RHBDD1: variants seen among roughly 807,000 people sequenced by gnomAD.
RHBDD1 encodes rhomboid domain containing 1, also known as rhomboid-related protein 4.
In RHBDD1, 38 loss-of-function variants were observed where a neutral mutation model predicts 36.3. The ratio of observed to expected loss-of-function variants is 1.05; its 90% CI spans 0.81 to 1.37. The LOEUF (loss-of-function observed/expected upper bound fraction) is 1.37, where lower values mean the gene tolerates loss of function less well. Ranked by LOEUF, RHBDD1 falls within the 40% of genes most tolerant of loss-of-function variation. RHBDD1 has a pLI of 0.00. For missense variants in RHBDD1, 393 were observed against 377.6 expected, an observed-to-expected ratio of 1.04 and a Z score of -0.34; for synonymous variants, 151 against 136.5, an observed-to-expected ratio of 1.11 and a Z score of -0.74.
At chr2:226,922,397 CG>C (rs1949388556) in intron 8 of RHBDD1, among the ~76,000 whole-genome samples, 1 of 151,422 alleles carries the variant, frequency 6.6e-6, no homozygotes, top group Admixed American at 6.6e-5. Flanking sequence ...TTAGTAGAGA[CG>C]GGGTTTCACT....
At chr2:226,806,144 G>GAA in the RHBDD1 span, among the ~76,000 whole-genome samples, 84 of 148,082 alleles carry the variant, frequency 5.7e-4, no homozygotes, top group South Asian at 3.6e-3. Context: ...TTTTAAGAAA[G>GAA]AAAAAAAAAA....
At chr2:226,887,868 T>C (rs1946366603) in intron 5 of RHBDD1, among the ~76,000 whole-genome samples, 1 of 152,232 alleles carries the variant, frequency 6.6e-6, no homozygotes, top group Admixed American at 6.5e-5. Flanking sequence ...TAATAACCAA[T>C]GTAGTGTTGA....
chr2:226,927,586 C>G (rs980522763), intron 8 of RHBDD1, among the ~76,000 whole-genome samples: 1 of 151,962 alleles, frequency 6.6e-6, no homozygotes, highest in African/African-American at 2.4e-5. Flanking sequence ...AGTTTTCGTT[C>G]CTGCCGGCAG....
chr2:226,991,004 G>T (rs559874819), intron 8 of RHBDD1, among the ~76,000 whole-genome samples: 115 of 152,256 alleles, frequency 7.6e-4, no homozygotes, highest in African/African-American at 2.6e-3. Context: ...TCACCCAGAG[G>T]CTCCTTCATG....
chr2:226,807,044 T>G, the RHBDD1 span, among the ~76,000 whole-genome samples: 1 of 152,228 alleles, frequency 6.6e-6, no homozygotes, highest in Non-Finnish European at 1.5e-5. Context: ...CTGTCCCTAC[T>G]AAGCAATGAA....
At chr2:226,921,064 G>C (rs1217493061) in intron 8 of RHBDD1, among the ~76,000 whole-genome samples, 3 of 151,928 alleles carry the variant, frequency 2.0e-5, no homozygotes, top group East Asian at 1.9e-4. Flanking sequence ...TAGGTTTTGG[G>C]TTTCTTCATG....
rs11320469 is a variant in RHBDD1, at chr2:226,972,929, C to CAA, written c.857-22487_857-22486dup. ...TTAAAGAAAGGAAGGAAGCCTGTAG[C>CAA]AAAAAAAAAAAAAAAACAAAAAACC... On this transcript the variant is annotated intron_variant, in intron 8 of 8. Transcript: ENST00000392062. 1.0e-2 allele frequency among the ~76,000 whole-genome samples: 1,265 copies of CAA among 126,896 alleles called. 9 individuals carry two copies. Among genetic ancestry groups the CAA allele is most frequent in the African/African-American group, 0.025 (888 of 35,326 alleles). 83.2% of individuals were successfully genotyped at this position (126,896 alleles called of 152,430 possible). A position where few individuals can be genotyped will look rare whatever the true frequency, so the allele number is the denominator to read the frequency against.
intron 5 of RHBDD1, among the ~76,000 whole-genome samples, chr2:226,873,852 G>A (rs964507735): frequency 6.6e-6 from 1 of 152,158 alleles, no homozygotes; most frequent in Non-Finnish European, 1.5e-5. Context: ...AGTTTAAGGT[G>A]TGGGTGGGTC....
chr2:226,911,398 G>C (rs1948505558), intron 7 of RHBDD1, among the ~76,000 whole-genome samples: 1 of 152,112 alleles, frequency 6.6e-6, no homozygotes, highest in South Asian at 2.1e-4. Flanking sequence ...TCTCTAAGCA[G>C]GGATTGCTGA....
chr2:226,977,385 T>G lies in RHBDD1; in HGVS notation c.857-18046T>G, dbSNP rs140232173. Among the ~76,000 whole-genome samples the G allele has an allele frequency of 2.2e-3, 330 of 152,310 alleles. 3 individuals are homozygous for G. Among genetic ancestry groups the G allele is most frequent in the African/African-American group, 7.0e-3 (292 of 41,566 alleles). ...AGTGTCCGAAATAGCCGGCTGGAAT[T>G]CATGAGAATGTTACGTCTTCAGATG... On this transcript the variant is annotated intron_variant, in intron 8 of 8. Transcript: ENST00000392062.
the RHBDD1 span, among the ~76,000 whole-genome samples, chr2:226,802,675 C>T: frequency 6.6e-6 from 1 of 152,190 alleles, no homozygotes; most frequent in Non-Finnish European, 1.5e-5. Context: ...CAAGCTATTA[C>T]CAAAATCTGT....
intron 5 of RHBDD1, chr2:226,867,812 G>A (rs1374618612): frequency 3.7e-6 from 1 of 267,250 alleles, no homozygotes. Context: ...TCCACCCCCT[G>A]GGTTCAAGCA....
intron 3 of RHBDD1, among the ~76,000 whole-genome samples, chr2:226,864,273 A>C (rs1442283480): frequency 1.3e-5 from 2 of 152,216 alleles, no homozygotes; most frequent in African/African-American, 4.8e-5. Context: ...AAATCATTTA[A>C]TACTTGCACA....
intron 8 of RHBDD1, among the ~76,000 whole-genome samples, chr2:226,982,100 C>A (rs1350678153): frequency 1.3e-5 from 2 of 152,210 alleles, no homozygotes. Flanking sequence ...TCTTTTCTTG[C>A]CCAGCAAGCA....
intron 8 of RHBDD1, among the ~76,000 whole-genome samples, chr2:226,931,500 G>A (rs1021923024): frequency 1.3e-5 from 2 of 152,016 alleles, no homozygotes; most frequent in African/African-American, 4.8e-5. Context: ...AGGGGAAAGG[G>A]TGAGAAAGGG....
chr2:226,912,000 G>A (rs1489629237), intron 7 of RHBDD1, among the ~76,000 whole-genome samples: 9 of 151,940 alleles, frequency 5.9e-5, no homozygotes, highest in Admixed American at 5.2e-4. Context: ...TTTCAAGGAC[G>A]TTCAGTAAAA....
chr2:226,801,333 G>A, the RHBDD1 span, among the ~76,000 whole-genome samples: 5 of 152,194 alleles, frequency 3.3e-5, no homozygotes, highest in Admixed American at 2.6e-4. Flanking sequence ...GAAGGTGGGG[G>A]TAGAAGGGTT....
At chr2:226,865,457 T>C (rs1261750852) in intron 4 of RHBDD1, among the ~76,000 whole-genome samples, 1 of 152,232 alleles carries the variant, frequency 6.6e-6, no homozygotes, top group Non-Finnish European at 1.5e-5. Flanking sequence ...AAAAGATGAC[T>C]GTGCTTGTGA....
At chr2:226,812,357 G>A in the RHBDD1 span, among the ~76,000 whole-genome samples, 1 of 152,166 alleles carries the variant, frequency 6.6e-6, no homozygotes, top group Non-Finnish European at 1.5e-5. Flanking sequence ...TAAAAATTTT[G>A]AATGCTGATA....
Sources: allele counts gnomAD v4.1 joint callset (sites outside exome capture counted in the v4.1 genomes callset), GRCh38; gene constraint gnomAD v4.1.1; transcripts MANE v1.5; gene names NCBI Gene and HGNC (gene_info 2026-07-23, HGNC 2026-07-21).